DNAH3: variants seen among roughly 807,000 people sequenced by gnomAD.
DNAH3 encodes the protein dynein axonemal heavy chain 3.
In DNAH3, 332 loss-of-function variants were observed where a neutral mutation model predicts 432.5. That is an observed-to-expected ratio of 0.77 (90% confidence interval 0.70 to 0.84). The LOEUF is 0.84. Ranked by LOEUF, DNAH3 falls within the 40% of genes least tolerant of loss-of-function variation. The pLI, the probability that DNAH3 is intolerant of heterozygous loss-of-function variation, is 0.00. For missense variants in DNAH3, 4,861 were observed against 5,114.0 expected (o/e 0.95, Z 1.51); for synonymous variants, 1,956 against 1,900.2 (o/e 1.03, Z -0.76).
intron 20 of DNAH3, among the ~76,000 whole-genome samples, chr16:21,079,662 T>C (rs536445289): frequency 6.6e-6 from 1 of 151,996 alleles, no homozygotes; most frequent in East Asian, 1.9e-4. Flanking sequence ...AATAAATAAA[T>C]AAAAAGGGTT....
At position 20,975,128 on chromosome 16, in the gene DNAH3, G is replaced by T. The variant is rs1292764809; in HGVS notation, c.8259+105C>A. 5 of 1,384,278 alleles carry T rather than the reference G, an allele frequency of 3.6e-6. No homozygotes were observed. The Admixed American group carries it at 8.2e-5, about 23-fold the overall frequency. The allele number at this position is 1,384,278 out of a possible 1,614,324, so 85.7% of individuals were successfully genotyped here. On this transcript the variant is annotated intron_variant, in intron 51 of 61. Coordinates refer to ENST00000261383, the Ensembl canonical transcript of DNAH3. ...TTACAGCTGTGAGCCACCATGCCCA[G>T]CCTTGCCTACCCTTTCTGAGCCTCA... is the stretch of plus-strand genomic sequence containing the variant.
chr16:21,068,331 G>A (rs372389127), intron 23 of DNAH3, among the ~76,000 whole-genome samples: 4 of 133,044 alleles, frequency 3.0e-5, no homozygotes, highest in East Asian at 2.4e-4. Context: ...TGGGTGGGGG[G>A]GGGGACAGAG....
At chr16:20,950,529 G>A (rs976333211) in intron 56 of DNAH3, among the ~76,000 whole-genome samples, 1 of 152,172 alleles carries the variant, frequency 6.6e-6, no homozygotes, top group African/African-American at 2.4e-5. Context: ...CTTCCCAGCT[G>A]TAAAATGGGG....
At chr16:20,939,371 G>T (rs1312350482) in intron 59 of DNAH3, among the ~76,000 whole-genome samples, 1 of 152,164 alleles carries the variant, frequency 6.6e-6, no homozygotes, top group Non-Finnish European at 1.5e-5. Context: ...CAGCACTTTG[G>T]GAGGCCAAGG....
chr16:20,996,514 C>T (rs935163573), intron 44 of DNAH3, among the ~76,000 whole-genome samples: 2 of 152,126 alleles, frequency 1.3e-5, no homozygotes, highest in African/African-American at 4.8e-5. Flanking sequence ...GGCTGGAGTG[C>T]AGTGGTGCCA....
Position 20,958,471 on chromosome 16 carries a change from T to C in DNAH3, c.10826+708A>G, listed in dbSNP as rs561645382. ...GTCTCCTATTACCTTCTCCAACAAC[T>C]TTTCATGGCATATACCAGAGCTGTA... On this transcript the variant is annotated intron_variant, in intron 54 of 61. Transcript: ENST00000261383. Among the ~76,000 whole-genome samples, 7 of 152,288 alleles carry C rather than the reference T, an allele frequency of 4.6e-5. No individual in the cohort carries two copies. In the East Asian group the frequency reaches 1.3e-3, roughly 29 times the overall value.
chr16:20,983,652 T>C (rs1017826939), intron 48 of DNAH3, among the ~76,000 whole-genome samples: 2 of 151,904 alleles, frequency 1.3e-5, no homozygotes, highest in Non-Finnish European at 2.9e-5. Flanking sequence ...ATTCCATTCA[T>C]TGTTATTTAG....
intron 58 of DNAH3, among the ~76,000 whole-genome samples, chr16:20,941,922 A>T (rs1254472715): frequency 1.3e-5 from 2 of 151,744 alleles, no homozygotes; most frequent in African/African-American, 4.9e-5. Flanking sequence ...GCCATTAGCC[A>T]TGCATGATGC....
intron 23 of DNAH3, among the ~76,000 whole-genome samples, chr16:21,068,321 T>G (rs896066370): frequency 5.2e-4 from 23 of 44,412 alleles, no homozygotes; most frequent in African/African-American, 1.5e-3. Context: ...TACTTTTTTT[T>G]GGGTGGGGGG....
At chr16:21,121,657 G>A (rs913923126) in intron 10 of DNAH3, among the ~76,000 whole-genome samples, 11 of 149,038 alleles carry the variant, frequency 7.4e-5, no homozygotes, top group African/African-American at 2.5e-4. Context: ...GCAGGAGTGC[G>A]GTGACGCCAT....
At chr16:21,145,442 G>C (rs1444842933) in intron 2 of DNAH3, 36 bp from the exon 4 acceptor site, 2 of 1,562,736 alleles carry the variant, frequency 1.3e-6, no homozygotes, top group Middle Eastern at 1.7e-4. Context: ...GACACAATGA[G>C]GAACATCTCT....
exon 20 of DNAH3, chr16:21,081,708 T>C (rs1447966914): frequency 2.5e-6 from 4 of 1,613,896 alleles, no homozygotes; most frequent in South Asian, 1.1e-5. Flanking sequence ...CTTTATCTCA[T>C]AGCCAACAAT....
At chr16:21,046,117 G>A (rs1332721761) in intron 31 of DNAH3, among the ~76,000 whole-genome samples, 20 of 145,138 alleles carry the variant, frequency 1.4e-4, no homozygotes, top group African/African-American at 2.8e-4. Context: ...TTTTGGAATA[G>A]GTGTGGTGTG....
chr16:21,003,121 C>T (rs1567620085), exon 42 of DNAH3: 2 of 1,611,344 alleles, frequency 1.2e-6, no homozygotes, highest in African/African-American at 1.3e-5. Context: ...CCAGCTGGAA[C>T]TTTTTCCTCC....
intron 1 of DNAH3, among the ~76,000 whole-genome samples, chr16:21,154,673 G>A (rs1008285312): frequency 6.6e-6 from 1 of 152,178 alleles, no homozygotes; most frequent in African/African-American, 2.4e-5. Context: ...TATGATTGAG[G>A]AAACTGATAC....
intron 31 of DNAH3, 141 bp from the exon 32 acceptor site, chr16:21,042,344 T>C: frequency 2.6e-6 from 2 of 768,812 alleles, no homozygotes; most frequent in Admixed American, 3.0e-5. Flanking sequence ...AGGAGCATGA[T>C]TTGGGGTTTT....
At chr16:20,964,612 C>A in exon 53 of DNAH3, 1 of 1,614,136 alleles carries the variant, frequency 6.2e-7, no homozygotes, top group South Asian at 1.1e-5. Context: ...GTTCTTAATC[C>A]ATTTATTGGC....
Position 21,122,320 on chromosome 16 carries a change from C to T in DNAH3, c.1405-196G>A, listed in dbSNP as rs141007779. 1.6e-3 allele frequency among the ~76,000 whole-genome samples: 237 copies of T among 152,056 alleles called. 1 individual carries two copies. The highest frequency in any genetic ancestry group is 5.0e-4 in the Non-Finnish European group (34 of 67,984). ...CTGTAATCCCAGCACTTTGGGAGGCCGAGACAGGTGGATCACCTGAGGTCA... is the reference window on the plus strand; with the variant it reads ...CTGTAATCCCAGCACTTTGGGAGGCTGAGACAGGTGGATCACCTGAGGTCA... On this transcript the variant is annotated intron_variant, in intron 9 of 61. Coordinates refer to ENST00000261383, the Ensembl canonical transcript of DNAH3.
At chr16:20,947,962 G>A (rs1206216248) in intron 57 of DNAH3, among the ~76,000 whole-genome samples, 1 of 152,046 alleles carries the variant, frequency 6.6e-6, no homozygotes, top group East Asian at 1.9e-4. Flanking sequence ...TTTTAGAAGA[G>A]ATGGGGTTTC....
Sources: allele counts gnomAD v4.1 joint callset (sites outside exome capture counted in the v4.1 genomes callset), GRCh38; gene constraint gnomAD v4.1.1; transcripts MANE v1.5; gene names NCBI Gene and HGNC (gene_info 2026-07-23, HGNC 2026-07-21).